ITGA9: variants seen among roughly 807,000 people sequenced by gnomAD.
The protein encoded by ITGA9 is integrin alpha-9.
Under a neutral mutation model 127.8 loss-of-function variants are expected in ITGA9, and 56 were observed. That is an observed-to-expected ratio of 0.44 (90% CI 0.35 to 0.55). ITGA9 has a LOEUF of 0.55. Among genes scored for constraint, ITGA9 ranks in the 20% least tolerant of loss-of-function variants. The probability of loss-of-function intolerance (pLI) is 0.00; values close to 1 mark genes in which losing one functional copy is unlikely to be tolerated. For synonymous variants in ITGA9, 508 were observed against 514.5 expected (o/e 0.99, Z 0.17); for missense variants, 1,196 against 1,347.1 (o/e 0.89, Z 1.76).
rs373107607 is a variant in ITGA9, at chr3:37,785,239, CT to C, written c.2889+162del. Among the ~76,000 whole-genome samples, 42 of 152,310 alleles carry C rather than the reference CT, an allele frequency of 2.8e-4. No homozygotes were observed. The East Asian group carries it at 4.6e-3, about 17-fold the overall frequency. On this transcript the variant is annotated intron_variant, in intron 26 of 27. Coordinates refer to ENST00000264741, the MANE Select transcript of ITGA9 (RefSeq NM_002207.3). ...GCCTGCCTTGGCTTCCAGGCCCCCC[CT>C]GGAGAACTTCTGTGGTTCGTTCTTG...
chr3:37,800,010 G>A (rs565710694), intron 26 of ITGA9, among the ~76,000 whole-genome samples: 2 of 152,318 alleles, frequency 1.3e-5, no homozygotes, highest in African/African-American at 4.8e-5. Context: ...GTTGTGATGT[G>A]AGAGAACAGG....
chr3:37,618,220 A>G (rs1361576750), intron 15 of ITGA9, among the ~76,000 whole-genome samples: 1 of 152,212 alleles, frequency 6.6e-6, no homozygotes, highest in Non-Finnish European at 1.5e-5. Context: ...AGTTTGCCAG[A>G]GGTCCACTCC....
rs1184285237 is a variant in ITGA9, at chr3:37,821,576, C to G, written c.*2587C>G. Reference sequence around the variant, plus strand: ...CCATCAACAGCTTTGGCCACATGCACTTAGAGCAACTAACTTGCCTCCTGC... The same window carrying G: ...CCATCAACAGCTTTGGCCACATGCAGTTAGAGCAACTAACTTGCCTCCTGC... On this transcript the variant is annotated 3_prime_UTR_variant, in exon 28 of 28. Coordinates refer to ENST00000264741, the MANE Select transcript of ITGA9 (RefSeq NM_002207.3). The G allele has an allele frequency of 6.6e-6, 1 of 152,168 alleles. No individual in the cohort carries two copies. The highest frequency in any genetic ancestry group is 1.5e-5 in the Non-Finnish European group (1 of 68,056). The allele number at this position is 152,168 out of a possible 1,614,324, so 9.4% of individuals were successfully genotyped here.
At chr3:37,783,126 G>A (rs375487575) in intron 25 of ITGA9, among the ~76,000 whole-genome samples, 7 of 151,628 alleles carry the variant, frequency 4.6e-5, no homozygotes, top group South Asian at 2.1e-4. Flanking sequence ...GCAACAGAGC[G>A]AGACTCTGTC....
intron 17 of ITGA9, among the ~76,000 whole-genome samples, chr3:37,669,174 A>G (rs764264014): frequency 4.6e-5 from 7 of 152,202 alleles, no homozygotes; most frequent in Non-Finnish European, 1.0e-4. Context: ...TGTCACACCC[A>G]CATCCCTTGC....
At chr3:37,509,298 T>A (rs1424835636) in intron 8 of ITGA9, among the ~76,000 whole-genome samples, 1 of 152,214 alleles carries the variant, frequency 6.6e-6, no homozygotes, top group African/African-American at 2.4e-5. Context: ...TAGAGAGTCC[T>A]GCTATTAATA....
At chr3:37,469,295 A>T (rs1437764341) in intron 1 of ITGA9, among the ~76,000 whole-genome samples, 2 of 151,930 alleles carry the variant, frequency 1.3e-5, no homozygotes, top group African/African-American at 4.8e-5. Context: ...AAACTGTTCT[A>T]TTTCTGTTTT....
chr3:37,718,146 G>A lies in ITGA9; in HGVS notation c.2068-14566G>A, dbSNP rs115822924. Among the ~76,000 whole-genome samples the A allele has an allele frequency of 5.6e-3, 850 of 152,368 alleles. 5 individuals are homozygous for A. Among genetic ancestry groups the A allele is most frequent in the Non-Finnish European group, 9.3e-3 (633 of 68,036 alleles). On this transcript the variant is annotated intron_variant, in intron 18 of 27. Coordinates refer to ENST00000264741, the MANE Select transcript of ITGA9 (RefSeq NM_002207.3). ...CAACAAAGGACACTGAGGCTACTCA[G>A]TAATTATTAAATGAGAGCATGAACA... is the stretch of plus-strand genomic sequence containing the variant.
chr3:37,620,024 G>T (rs1275140706), intron 15 of ITGA9, among the ~76,000 whole-genome samples: 1 of 152,172 alleles, frequency 6.6e-6, no homozygotes, highest in Non-Finnish European at 1.5e-5. Flanking sequence ...CATCCTTTCT[G>T]ATTCACTCAA....
chr3:37,622,517 A>G (rs1170345002), intron 15 of ITGA9, among the ~76,000 whole-genome samples: 1 of 152,190 alleles, frequency 6.6e-6, no homozygotes, highest in Non-Finnish European at 1.5e-5. Flanking sequence ...GGAGCTTTTT[A>G]TAGATTTTAA....
intron 8 of ITGA9, 85 bp from the exon 9 acceptor site, chr3:37,513,677 TA>T: frequency 6.5e-7 from 1 of 1,539,588 alleles, no homozygotes. Context: ...GGGATGTTTC[TA>T]AAGCCAATGG....
intron 15 of ITGA9, among the ~76,000 whole-genome samples, chr3:37,613,412 C>T (rs888062180): frequency 2.0e-5 from 3 of 152,046 alleles, no homozygotes; most frequent in African/African-American, 7.3e-5. Context: ...TGAATAGTGC[C>T]ACAATAAACA....
At position 37,597,513 on chromosome 3, in the gene ITGA9, C is replaced by T. The variant is rs952001475; in HGVS notation, c.1690-31674C>T. Among the ~76,000 whole-genome samples the T allele has an allele frequency of 1.3e-5, 2 of 152,102 alleles. No individual in the cohort carries two copies. The highest frequency in any genetic ancestry group is 4.8e-5 in the African/African-American group (2 of 41,410). ...ATACGAGGTAGAACTCCCACAGTTT[C>T]CTCATCTCTATTGTACATAGTAATC... On this transcript the variant is annotated intron_variant, in intron 15 of 27. Transcript: ENST00000264741. This position sits in a 1 kb window ranked among gnomAD's most constrained non-coding sequence, Gnocchi z 4.6.
intron 18 of ITGA9, among the ~76,000 whole-genome samples, chr3:37,695,090 G>C (rs947770499): frequency 6.6e-6 from 1 of 152,162 alleles, no homozygotes; most frequent in African/African-American, 2.4e-5. Flanking sequence ...CCAAGGTACT[G>C]TTCCATCTCC....
intron 16 of ITGA9, among the ~76,000 whole-genome samples, chr3:37,642,100 G>A (rs922375317): frequency 6.6e-6 from 1 of 151,876 alleles, no homozygotes; most frequent in African/African-American, 2.4e-5. Flanking sequence ...ACCACGCCTG[G>A]CTATTTAAAA....
intron 16 of ITGA9, among the ~76,000 whole-genome samples, chr3:37,649,129 GAAAC>G (rs1438031404): frequency 3.3e-5 from 4 of 120,188 alleles, no homozygotes; most frequent in East Asian, 2.3e-4. Context: ...AAAAAAAAAA[GAAAC>G]AAAACAAAAG....
chr3:37,623,208 A>G (rs1303611109), intron 15 of ITGA9, among the ~76,000 whole-genome samples: 3 of 152,170 alleles, frequency 2.0e-5, no homozygotes, highest in African/African-American at 7.2e-5. Flanking sequence ...TCTTAGTCTC[A>G]CAGCCCCGTG....
chr3:37,465,341 G>C (rs1329470306), intron 1 of ITGA9, among the ~76,000 whole-genome samples: 1 of 152,174 alleles, frequency 6.6e-6, no homozygotes, highest in African/African-American at 2.4e-5. Context: ...ACCACACACA[G>C]GGAGCTCAGG....
chr3:37,676,812 A>G (rs1429671037), intron 17 of ITGA9, among the ~76,000 whole-genome samples: 1 of 152,164 alleles, frequency 6.6e-6, no homozygotes, highest in Non-Finnish European at 1.5e-5. Flanking sequence ...GCCTCTCGCT[A>G]ATCTTTCTGC....
Sources: gnomAD v4.1 joint callset for allele counts (sites outside exome capture counted in the v4.1 genomes callset) on GRCh38, gnomAD v4.1.1 for gene constraint, Gnocchi (gnomAD v3.1) non-coding constraint, MANE v1.5 for transcripts, NCBI Gene and HGNC (gene_info 2026-07-23, HGNC 2026-07-21) for gene names.